FFAR4: variants seen among roughly 807,000 people sequenced by gnomAD.
The protein encoded by FFAR4 is free fatty acid receptor 4.
FFAR4 carries 19 observed loss-of-function variants against 27.0 expected under a neutral mutation model. The observed-to-expected ratio is 0.70, with a 90% CI of 0.49 to 1.03. The LOEUF (loss-of-function observed/expected upper bound fraction) is 1.03, where lower values mean the gene tolerates loss of function less well. FFAR4 is among the 50% of genes least tolerant of loss of function. The pLI is 0.00. For missense variants in FFAR4, 476 were observed against 479.0 expected (o/e 0.99, Z 0.06); for synonymous variants, 254 against 215.6 (o/e 1.18, Z -1.56).
rs189941120 is a variant in FFAR4, at chr10:93,576,581, G to A, written c.696+362G>A. 7.0e-4 allele frequency among the ~76,000 whole-genome samples: 107 copies of A among 151,814 alleles called. No individual in the cohort carries two copies. In the Middle Eastern group the frequency reaches 0.017, roughly 24 times the overall value. On this transcript the variant is annotated intron_variant, in intron 2 of 2. Transcript: ENST00000371481. ...AGCTTATGTATATGTCATGTATACT[G>A]TGTGTGTATTTGATGAACCATATGA...
intron 2 of FFAR4, among the ~76,000 whole-genome samples, chr10:93,582,538 C>G (rs1235632789): frequency 9.0e-6 from 1 of 111,108 alleles, no homozygotes; most frequent in Non-Finnish European, 1.8e-5. Context: ...GAGCGAAACT[C>G]CATCTCAAAA....
intron 1 of FFAR4, among the ~76,000 whole-genome samples, chr10:93,567,832 C>CA (rs1276362239): frequency 1.3e-5 from 2 of 152,122 alleles, no homozygotes; most frequent in Non-Finnish European, 2.9e-5. Context: ...CGCGGACAGG[C>CA]ATGTGAGACC....
intron 1 of FFAR4, among the ~76,000 whole-genome samples, chr10:93,568,663 G>GT (rs2058114191): frequency 6.6e-6 from 1 of 152,164 alleles, no homozygotes; most frequent in Non-Finnish European, 1.5e-5. Flanking sequence ...TTCTCTGGGG[G>GT]TTTTCCCAGA....
chr10:93,587,588 C>T lies in FFAR4; in HGVS notation c.1065C>T (p.Asp355=). 6.2e-7 allele frequency: 1 copy of T among 1,612,548 alleles called. No homozygotes were observed. The change falls in exon 3 of 3, where the codon GAC becomes GAT. Residue 355 remains aspartate (D), a synonymous_variant. Coordinates refer to ENST00000371481, the MANE Select transcript of FFAR4 (RefSeq NM_001195755.2). ...CAGACACATCTGTCAAAAGAAATGA[C>T]TTGTCGATTATTTCTGGCTAATTTT... is the stretch of plus-strand genomic sequence containing the variant. ...ILTDTSVKRN[D]LSIISG
Position 93,587,294 on chromosome 10 carries a change from G to A in FFAR4, c.771G>A (p.Gln257=), listed in dbSNP as rs764625331. ...AGAGCCACCAGATCCGCGTGTCCCA[G>A]CAGGACTTCCGGCTCTTCCGCACCC... ...YSESHQIRVS[Q]QDFRLFRTLF... is the part of the protein sequence containing the mutation. The change falls in exon 3 of 3, where the codon CAG becomes CAA. Residue 257 remains glutamine, a synonymous_variant. Transcript: ENST00000371481. The A allele has an allele frequency of 3.5e-5, 57 of 1,614,012 alleles. No homozygotes were observed. The highest frequency in any genetic ancestry group is 1.2e-4 in the African/African-American group (9 of 74,904).
intron 1 of FFAR4, among the ~76,000 whole-genome samples, chr10:93,570,583 G>A (rs1033572479): frequency 5.9e-5 from 9 of 152,172 alleles, no homozygotes; most frequent in Non-Finnish European, 1.0e-4. Flanking sequence ...AATCAACCAA[G>A]CCTAAGCAGA....
At chr10:93,572,801 G>A (rs1354447936) in intron 1 of FFAR4, among the ~76,000 whole-genome samples, 1 of 152,180 alleles carries the variant, frequency 6.6e-6, no homozygotes, top group Non-Finnish European at 1.5e-5. Context: ...ATGGCTATTG[G>A]GCAAGTCTGG....
intron 1 of FFAR4, among the ~76,000 whole-genome samples, chr10:93,573,413 C>T (rs778902222): frequency 6.6e-6 from 1 of 152,192 alleles, no homozygotes. Flanking sequence ...GACTCACATC[C>T]CCACCTTCCA....
intron 2 of FFAR4, among the ~76,000 whole-genome samples, chr10:93,585,589 G>A (rs1169153194): frequency 6.6e-6 from 1 of 152,234 alleles, no homozygotes; most frequent in East Asian, 1.9e-4. Context: ...CTGGAGCTGG[G>A]AGGAGGACAG....
rs1050257281 is a variant in FFAR4 at position 93,588,334 on chromosome 10, G to A, written c.*725G>A. ...CTACCTTGGACTCGCAAGGGTTTAG[G>A]ATCATTCGTTGATGTCAAGAGCAAT... On this transcript the variant is annotated 3_prime_UTR_variant, in exon 3 of 3. Coordinates refer to ENST00000371481, the MANE Select transcript of FFAR4 (RefSeq NM_001195755.2). The A allele has an allele frequency of 6.6e-6, 1 of 151,946 alleles. No homozygotes were observed. The highest frequency in any genetic ancestry group is 1.5e-5 in the Non-Finnish European group (1 of 68,026). The allele number at this position is 151,946 out of a possible 1,614,324, so 9.4% of individuals were successfully genotyped here.
intron 1 of FFAR4, among the ~76,000 whole-genome samples, chr10:93,573,067 C>G (rs186450853): frequency 3.3e-5 from 5 of 152,294 alleles, no homozygotes; most frequent in South Asian, 2.1e-4. Flanking sequence ...AACAACCCCC[C>G]CTGGGTGGCT....
chr10:93,569,236 T>C (rs1265472835), intron 1 of FFAR4, among the ~76,000 whole-genome samples: 3 of 152,234 alleles, frequency 2.0e-5, no homozygotes, highest in Non-Finnish European at 4.4e-5. Context: ...GAATGTATCT[T>C]GAAGGTATCT....
rs1564786302 is a variant in FFAR4, at chr10:93,587,541, C to T, written c.1018C>T (p.Pro340Ser). Residue 340 changes from proline (P) to serine (S), a missense_variant, in exon 3 of 3, where the codon CCA (proline) becomes TCA (serine). Pro to Ser is a moderately conservative substitution (Grantham distance 74). Coordinates refer to ENST00000371481, the MANE Select transcript of FFAR4 (RefSeq NM_001195755.2). The part of the protein sequence containing the change: ...WKKIFCCFWF[P>S]EKGAILTDTS... Reference sequence around the variant, plus strand: ...GAAAATTTTTTGCTGCTTCTGGTTCCCAGAAAAGGGAGCCATTTTAACAGA... The same window carrying T: ...GAAAATTTTTTGCTGCTTCTGGTTCTCAGAAAAGGGAGCCATTTTAACAGA... 2 of 1,614,066 alleles carry T rather than the reference C, an allele frequency of 1.2e-6. No homozygotes were observed. The highest frequency in any genetic ancestry group is 1.7e-6 in the Non-Finnish European group (2 of 1,180,018).
In FFAR4 at chr10:93,567,153, C is replaced by G; in HGVS notation, c.433C>G (p.Arg145Gly). ...CATGGTGTGCATCGTGCACCTGCAG[C>G]GCGGCGTGCGGGGTCCTGGGCGGCG... ...ERMVCIVHLQ[R>G]GVRGPGRRAR... is the part of the protein sequence containing the mutation. The change falls in exon 1 of 3, where the codon CGC (arginine) becomes GGC (glycine). Residue 145 changes from arginine to glycine, a missense_variant. Transcript: ENST00000371481. The G allele has an allele frequency of 1.2e-6, 2 of 1,605,402 alleles. No individual in the cohort carries two copies. Among genetic ancestry groups the G allele is most frequent in the East Asian group, 4.5e-5 (2 of 44,754 alleles).
At chr10:93,567,908 G>GT (rs1564780823) in intron 1 of FFAR4, among the ~76,000 whole-genome samples, 1 of 152,156 alleles carries the variant, frequency 6.6e-6, no homozygotes, top group South Asian at 2.1e-4. Flanking sequence ...GGGGTCTTCA[G>GT]TTTTTTCAGC....
At chr10:93,569,494 G>C (rs140822196) in intron 1 of FFAR4, among the ~76,000 whole-genome samples, 26 of 152,176 alleles carry the variant, frequency 1.7e-4, no homozygotes, top group Non-Finnish European at 3.7e-4. Flanking sequence ...GGTGTGGTTA[G>C]AGCCCTCTGT....
intron 2 of FFAR4, among the ~76,000 whole-genome samples, chr10:93,583,753 A>G (rs891405347): frequency 4.6e-5 from 7 of 152,224 alleles, no homozygotes; most frequent in Non-Finnish European, 1.0e-4. Flanking sequence ...CATCTGTAAA[A>G]TGGGGATCAT....
chr10:93,568,353 T>C (rs1430413119), intron 1 of FFAR4, among the ~76,000 whole-genome samples: 10 of 152,192 alleles, frequency 6.6e-5, no homozygotes, highest in South Asian at 4.1e-4. Flanking sequence ...CAGGAGCTTC[T>C]GCCCGTGGCT....
At chr10:93,580,274 T>A (rs1044110224) in intron 2 of FFAR4, among the ~76,000 whole-genome samples, 3 of 152,202 alleles carry the variant, frequency 2.0e-5, no homozygotes, top group Non-Finnish European at 4.4e-5. Flanking sequence ...TTAGGCATAA[T>A]AACAGACAAT....
Sources: allele counts gnomAD v4.1 joint callset (sites outside exome capture counted in the v4.1 genomes callset), GRCh38; gene constraint gnomAD v4.1.1; transcripts MANE v1.5; gene names NCBI Gene and HGNC (gene_info 2026-07-23, HGNC 2026-07-21).